Variants in CHST12 observed in about 807,000 individuals in gnomAD.
The protein encoded by CHST12 is carbohydrate sulfotransferase 12.
A neutral mutation model predicts 27.9 loss-of-function variants in CHST12; 23 were observed. The ratio of observed to expected loss-of-function variants is 0.82; its 90% CI spans 0.59 to 1.17. CHST12 has a LOEUF of 1.17. CHST12 is among the 50% of genes most tolerant of loss of function. The probability of loss-of-function intolerance (pLI) is 0.00; values close to 1 mark genes in which losing one functional copy is unlikely to be tolerated. For missense variants in CHST12, 682 were observed against 603.0 expected (o/e 1.13, Z -1.37); for synonymous variants, 322 against 273.0 (o/e 1.18, Z -1.77).
chr7:2,406,191 G>A (rs1781519681), intron 1 of CHST12, among the ~76,000 whole-genome samples: 1 of 152,072 alleles, frequency 6.6e-6, no homozygotes, highest in African/African-American at 2.4e-5. Context: ...CTTGCTTAGT[G>A]GGTCTGTGGC....
At chr7:2,423,247 T>C (rs1301439181) in intron 1 of CHST12, among the ~76,000 whole-genome samples, 1 of 151,862 alleles carries the variant, frequency 6.6e-6, no homozygotes, top group Non-Finnish European at 1.5e-5. Flanking sequence ...TAGTCCCGCC[T>C]GGGTGACAGA....
At position 2,433,673 on chromosome 7, in the gene CHST12, T is replaced by C; in HGVS notation, c.1034T>C (p.Leu345Pro). ...DYDFVGKLET[L>P]DEDAAQLLQL... ...GACTTCGTGGGGAAGCTGGAGACTC[T>C]GGACGAGGACGCCGCGCAGCTGCTG... Residue 345 changes from leucine to proline, a missense_variant, in exon 2 of 2, where the codon CTG (leucine) becomes CCG (proline). Leu to Pro is a moderately conservative substitution (Grantham distance 98, BLOSUM62 -3). Transcript: ENST00000618655. The surrounding 1 kb of genome is among the most constrained non-coding windows in gnomAD (Gnocchi z 6.1). 1 of 1,613,492 alleles carries C rather than the reference T, an allele frequency of 6.2e-7. No individual in the cohort carries two copies. The highest frequency in any genetic ancestry group is 8.5e-7 in the Non-Finnish European group (1 of 1,179,724).
At position 2,443,648 on chromosome 7, in the gene CHST12, C is replaced by T. The variant is rs1011521871; in HGVS notation, c.*9764C>T. ...ATGGCATGGGAAAGTAGCACACAGT[C>T]GGGACTCTGCAGCCGAGTTTGCCTC... On this transcript the variant is annotated 3_prime_UTR_variant, in exon 2 of 2. Transcript: ENST00000618655. The T allele has an allele frequency of 6.6e-6, 1 of 152,132 alleles. No homozygotes were observed. The highest frequency in any genetic ancestry group is 1.5e-5 in the Non-Finnish European group (1 of 68,030). The allele number at this position is 152,132 out of a possible 1,614,324, so 9.4% of individuals were successfully genotyped here.
Position 2,433,979 on chromosome 7 carries a change from G to C in CHST12, c.*95G>C, listed in dbSNP as rs1782394199. The C allele has an allele frequency of 2.0e-6, 2 of 991,510 alleles. No homozygotes were observed. The highest frequency in any genetic ancestry group is 1.6e-5 in the South Asian group (1 of 63,274). 61.4% of individuals were successfully genotyped at this position (991,510 alleles called of 1,614,324 possible). A position where few individuals can be genotyped will look rare whatever the true frequency, so the allele number is the denominator to read the frequency against. ...TACGATTTTGCAATCTGGGCTTCTTGTTCACTCCACTGCCTCTATCCATTG... is the reference window on the plus strand; with the variant it reads ...TACGATTTTGCAATCTGGGCTTCTTCTTCACTCCACTGCCTCTATCCATTG... On this transcript the variant is annotated 3_prime_UTR_variant, in exon 2 of 2. Coordinates refer to ENST00000618655, the MANE Select transcript of CHST12 (RefSeq NM_018641.5). This position sits in a 1 kb window ranked among gnomAD's most constrained non-coding sequence, Gnocchi z 6.1.
At chr7:2,411,263 G>C (rs763635979) in intron 1 of CHST12, among the ~76,000 whole-genome samples, 1 of 151,738 alleles carries the variant, frequency 6.6e-6, no homozygotes, top group Non-Finnish European at 1.5e-5. Flanking sequence ...TTAAATTTTT[G>C]TACAGATGGC....
At position 2,433,599 on chromosome 7, in the gene CHST12, G is replaced by A. The variant is rs202219553; in HGVS notation, c.960G>A (p.Glu320=). Residue 320 remains glutamate (E), a synonymous_variant, in exon 2 of 2, where the codon GAG becomes GAA. Transcript: ENST00000618655. This position sits in a 1 kb window ranked among gnomAD's most constrained non-coding sequence, Gnocchi z 6.1. The part of the protein sequence containing the change: ...PHTEKLAPFN[E]HWRQVYRLCH... ...CGGAGAAGCTGGCGCCCTTCAACGA[G>A]CACTGGCGGCAGGTGTACCGCCTCT... 1 of 1,613,480 alleles carries A rather than the reference G, an allele frequency of 6.2e-7. No individual in the cohort carries two copies. The highest frequency in any genetic ancestry group is 2.2e-5 in the East Asian group (1 of 44,880).
Position 2,434,565 on chromosome 7 carries a change from A to G in CHST12, c.*681A>G. The G allele has an allele frequency of 8.0e-6, 1 of 125,334 alleles. No homozygotes were observed. Among genetic ancestry groups the G allele is most frequent in the Non-Finnish European group, 1.6e-5 (1 of 63,042 alleles). The allele number at this position is 125,334 out of a possible 1,614,324, so 7.8% of individuals were successfully genotyped here. A position where few individuals can be genotyped will look rare whatever the true frequency, so the allele number is the denominator to read the frequency against. On this transcript the variant is annotated 3_prime_UTR_variant, in exon 2 of 2. Transcript: ENST00000618655. The stretch of plus-strand genomic sequence containing the variant: ...ATTTGAGACCTGGCCAACATGGTGA[A>G]ACCCTGTCTCTACTAAAAAAAAAAA...
intron 1 of CHST12, among the ~76,000 whole-genome samples, chr7:2,411,157 ACTG>A (rs1781653976): frequency 6.6e-6 from 1 of 152,000 alleles, no homozygotes; most frequent in African/African-American, 2.4e-5. Flanking sequence ...ATCATAGTTC[ACTG>A]CAGCCTCAGC....
At chr7:2,415,859 G>A (rs542991049) in intron 1 of CHST12, among the ~76,000 whole-genome samples, 3 of 152,020 alleles carry the variant, frequency 2.0e-5, no homozygotes, top group Admixed American at 1.3e-4. Context: ...TGTGATCCGC[G>A]CACCTCAGCC....
chr7:2,411,390 A>G (rs926168436), intron 1 of CHST12, among the ~76,000 whole-genome samples: 1 of 150,630 alleles, frequency 6.6e-6, no homozygotes, highest in Non-Finnish European at 1.5e-5. Flanking sequence ...CTGAGCCTGG[A>G]TATATTTTGC....
rs530275156 is a variant in CHST12, at chr7:2,420,035, A to G, written c.-77-12528A>G. 1.4e-3 allele frequency among the ~76,000 whole-genome samples: 172 copies of G among 126,882 alleles called. 1 individual carries two copies. The highest frequency in any genetic ancestry group is 4.7e-3 in the African/African-American group (160 of 33,982). 83.2% of individuals were successfully genotyped at this position (126,882 alleles called of 152,430 possible). On this transcript the variant is annotated intron_variant, in intron 1 of 1. Transcript: ENST00000618655. ...GTTGCCCAGGCTGGAGTGCAGTGGC[A>G]CGATCTCACCTCACTGTAAGCTCTG...
chr7:2,423,975 C>T (rs563189887), intron 1 of CHST12, among the ~76,000 whole-genome samples: 1 of 152,158 alleles, frequency 6.6e-6, no homozygotes, highest in East Asian at 1.9e-4. Flanking sequence ...ACTGAGGTGC[C>T]TGGGAGGTCG....
chr7:2,415,570 G>T (rs1051961022), intron 1 of CHST12, among the ~76,000 whole-genome samples: 22 of 151,846 alleles, frequency 1.4e-4, no homozygotes, highest in Non-Finnish European at 2.6e-4. Context: ...TGATCAGGGC[G>T]GTGGTTGCTG....
rs1292190930 is a variant in CHST12, at chr7:2,435,334, G to C, written c.*1450G>C. The C allele has an allele frequency of 6.6e-6, 1 of 152,200 alleles. No individual in the cohort carries two copies. Among genetic ancestry groups the C allele is most frequent in the Non-Finnish European group, 1.5e-5 (1 of 68,064 alleles). 9.4% of individuals were successfully genotyped at this position (152,200 alleles called of 1,614,324 possible). A position where few individuals can be genotyped will look rare whatever the true frequency, so the allele number is the denominator to read the frequency against. ...TGGCGTTTATCTCTAGACCGTGCTGGATGACAGTACCCAGTGTCACCAAGA... is the reference window on the plus strand; with the variant it reads ...TGGCGTTTATCTCTAGACCGTGCTGCATGACAGTACCCAGTGTCACCAAGA... On this transcript the variant is annotated 3_prime_UTR_variant, in exon 2 of 2. Transcript: ENST00000618655.
chr7:2,411,008 A>G (rs1781650058), intron 1 of CHST12, among the ~76,000 whole-genome samples: 1 of 152,016 alleles, frequency 6.6e-6, no homozygotes, highest in African/African-American at 2.4e-5. Flanking sequence ...GGTGGGGTGT[A>G]GGTAGGGCAG....
At chr7:2,422,398 C>G (rs934255452) in intron 1 of CHST12, among the ~76,000 whole-genome samples, 3 of 151,812 alleles carry the variant, frequency 2.0e-5, no homozygotes, top group African/African-American at 4.8e-5. Flanking sequence ...GCATGTGCCA[C>G]CATGCCCGGC....
chr7:2,442,928 G>GT lies in CHST12; in HGVS notation c.*9054dup, dbSNP rs1209422646. The GT allele has an allele frequency of 1.8e-3, 266 of 148,910 alleles. 1 individual carries two copies. The highest frequency in any genetic ancestry group is 5.1e-3 in the African/African-American group (210 of 40,778). The allele number at this position is 148,910 out of a possible 1,614,324, so 9.2% of individuals were successfully genotyped here. ...ATGATCTGAAGTGGAACAGGTTTTT[G>GT]TTTTTTTTTTCCAGACAGAGTCTTG... is the stretch of plus-strand genomic sequence containing the variant. On this transcript the variant is annotated 3_prime_UTR_variant, in exon 2 of 2. Transcript: ENST00000618655.
At chr7:2,430,300 TTTTA>T (rs1027954771) in intron 1 of CHST12, among the ~76,000 whole-genome samples, 16 of 152,136 alleles carry the variant, frequency 1.1e-4, no homozygotes, top group African/African-American at 2.2e-4. Context: ...ATTCTTTTAT[TTTTA>T]TTTATTTATT....
At chr7:2,427,490 G>A (rs1022268501) in intron 1 of CHST12, among the ~76,000 whole-genome samples, 1 of 151,006 alleles carries the variant, frequency 6.6e-6, no homozygotes. Flanking sequence ...GACAGAGCAA[G>A]GCTCTGTCTT....
Sources: gnomAD v4.1 joint callset for allele counts (sites outside exome capture counted in the v4.1 genomes callset) on GRCh38, gnomAD v4.1.1 for gene constraint, Gnocchi (gnomAD v3.1) non-coding constraint, MANE v1.5 for transcripts, NCBI Gene and HGNC (gene_info 2026-07-23, HGNC 2026-07-21) for gene names.